C16orf96: variants seen among roughly 807,000 people sequenced by gnomAD.
The protein encoded by C16orf96 is uncharacterized protein C16orf96.
In C16orf96, 108 loss-of-function variants were observed where a neutral mutation model predicts 103.6. The ratio of observed to expected loss-of-function variants is 1.04; its 90% CI spans 0.89 to 1.22. C16orf96 has a LOEUF of 1.22. C16orf96 is among the 50% of genes most tolerant of loss of function. The probability of loss-of-function intolerance (pLI) is 0.00; values close to 1 mark genes in which losing one functional copy is unlikely to be tolerated. For missense variants in C16orf96, 1,586 were observed against 1,464.2 expected, an observed-to-expected ratio of 1.08 and a Z score of -1.36; for synonymous variants, 566 against 593.5, an observed-to-expected ratio of 0.95 and a Z score of 0.67.
chr16:4,576,216 C>T lies in C16orf96; in HGVS notation c.1736C>T (p.Ala579Val), dbSNP rs987247513. ...GCCGCCGCTGCCGCCGCAGCCTACGCCGCTGCCACATCCTCCGCTGCCCAG... is the reference window on the plus strand; with the variant it reads ...GCCGCCGCTGCCGCCGCAGCCTACGTCGCTGCCACATCCTCCGCTGCCCAG... ...AIAAAAAAAYAAATSSAAQAA... is the reference protein window; with the variant it reads ...AIAAAAAAAYVAATSSAAQAA... The change falls in exon 5 of 16, where the codon GCC (alanine) becomes GTC (valine). Residue 579 changes from alanine to valine, a missense_variant. By Grantham distance (64) the Ala-to-Val change is moderately conservative (BLOSUM62 0). Coordinates refer to ENST00000444310, the MANE Select transcript of C16orf96 (RefSeq NM_001145011.2). The T allele has an allele frequency of 1.9e-6, 3 of 1,550,652 alleles. No individual in the cohort carries two copies. The African/African-American group carries it at 4.1e-5, about 21-fold the overall frequency.
At chr16:4,563,699 A>C (rs1421035830) in intron 1 of C16orf96, among the ~76,000 whole-genome samples, 1 of 151,656 alleles carries the variant, frequency 6.6e-6, no homozygotes, top group Admixed American at 6.6e-5. Context: ...TTCCTGAGTA[A>C]CTGGGATTAC....
rs2059515031 is a variant in C16orf96 at position 4,576,721 on chromosome 16, G to T, written c.2155+86G>T. ...AGAAGTGTGTCCTGTCCTTCACTGG[G>T]CTCCACCAACAAAATCTGCATTCCA... On this transcript the variant is annotated intron_variant, in intron 5 of 15. Coordinates refer to ENST00000444310, the MANE Select transcript of C16orf96 (RefSeq NM_001145011.2). 3.7e-5 allele frequency: 49 copies of T among 1,307,330 alleles called. 1 individual carries two copies. In the South Asian group the frequency reaches 7.5e-4, roughly 20 times the overall value. The allele number at this position is 1,307,330 out of a possible 1,614,324, so 81.0% of individuals were successfully genotyped here.
intron 1 of C16orf96, among the ~76,000 whole-genome samples, chr16:4,563,445 G>C (rs949965881): frequency 6.6e-6 from 1 of 152,178 alleles, no homozygotes; most frequent in Non-Finnish European, 1.5e-5. Context: ...TGTAGAGACA[G>C]GGTGTTGCCA....
intron 11 of C16orf96, among the ~76,000 whole-genome samples, chr16:4,592,870 A>G (rs1026235433): frequency 2.6e-5 from 4 of 152,162 alleles, no homozygotes; most frequent in Non-Finnish European, 5.9e-5. Context: ...TCAAAAAAAA[A>G]GGCCATGTTG....
At position 4,591,731 on chromosome 16, in the gene C16orf96, G is replaced by C. The variant is rs1248106731; in HGVS notation, c.2658G>C (p.Lys886Asn). 4.5e-6 allele frequency: 7 copies of C among 1,551,706 alleles called. No homozygotes were observed. The South Asian group carries it at 8.3e-5, about 18-fold the overall frequency. ...AAGAGGTCTGGAAAATCGTCCGGAAGCTGCTGATTGAGGGCTTAAGACTGG... is the reference window on the plus strand; with the variant it reads ...AAGAGGTCTGGAAAATCGTCCGGAACCTGCTGATTGAGGGCTTAAGACTGG... ...EMEEVWKIVRKLLIEGLRLDP... is the reference protein window; with the variant it reads ...EMEEVWKIVRNLLIEGLRLDP... Residue 886 changes from lysine (K) to asparagine (N), a missense_variant, in exon 10 of 16, where the codon AAG (lysine) becomes AAC (asparagine). By Grantham distance (94) the Lys-to-Asn change is moderately conservative. Transcript: ENST00000444310.
At chr16:4,579,868 C>T (rs574711426) in intron 6 of C16orf96, 147 bp from the exon 7 acceptor site, 4 of 621,058 alleles carry the variant, frequency 6.4e-6, no homozygotes, top group South Asian at 3.9e-5. Context: ...ATCTTGGCCT[C>T]CCAAAGTGCT....
intron 1 of C16orf96, among the ~76,000 whole-genome samples, chr16:4,567,364 A>T (rs1226437225): frequency 2.8e-5 from 4 of 142,758 alleles, no homozygotes; most frequent in African/African-American, 1.0e-4. Flanking sequence ...GCTCACTGCA[A>T]GCTCAGACTC....
chr16:4,593,175 G>A lies in C16orf96; in HGVS notation c.2775-49G>A. ...AGGGGTGGGAGACGAGCCCTCTGCT[G>A]GCCTAGCACGCCTCCCACAGCCCCT... On this transcript the variant is annotated intron_variant, in intron 11 of 15. Coordinates refer to ENST00000444310, the MANE Select transcript of C16orf96 (RefSeq NM_001145011.2). The surrounding 1 kb of genome is among the most constrained non-coding windows in gnomAD (Gnocchi z 4.2). 1.3e-6 allele frequency: 2 copies of A among 1,517,014 alleles called. 1 individual carries two copies. The highest frequency in any genetic ancestry group is 1.8e-6 in the Non-Finnish European group (2 of 1,116,802). 94.0% of individuals were successfully genotyped at this position (1,517,014 alleles called of 1,614,324 possible).
intron 12 of C16orf96, 92 bp from the exon 13 acceptor site, chr16:4,594,259 C>G: frequency 7.1e-7 from 1 of 1,405,656 alleles, no homozygotes. Flanking sequence ...AAATGCTGGT[C>G]TTCCCTCGAT....
the C16orf96 span, among the ~76,000 whole-genome samples, chr16:4,546,496 C>G: frequency 3.5e-5 from 5 of 142,540 alleles, no homozygotes; most frequent in African/African-American, 1.3e-4. Context: ...CAGGGTCTCA[C>G]TGTGTTGCAC....
chr16:4,575,080 G>A, intron 4 of C16orf96, 22 bp downstream of exon 4: 1 of 1,551,076 alleles, frequency 6.4e-7, no homozygotes, highest in Non-Finnish European at 8.7e-7. Flanking sequence ...AGGAAGGGGA[G>A]GTTAGCAGGA....
At position 4,576,402 on chromosome 16, in the gene C16orf96, A is replaced by G. The variant is rs1364208368; in HGVS notation, c.1922A>G (p.Asp641Gly). 6.4e-7 allele frequency: 1 copy of G among 1,551,100 alleles called. No homozygotes were observed. Among genetic ancestry groups the G allele is most frequent in the Admixed American group, 2.0e-5 (1 of 50,998 alleles). Reference sequence around the variant, plus strand: ...ACAGAATCCCAGATCTTGGGCGATGATTCCGAAATCTACGAAATCCTCTCT... The same window carrying G: ...ACAGAATCCCAGATCTTGGGCGATGGTTCCGAAATCTACGAAATCCTCTCT... ...GATESQILGDDSEIYEILSPS... is the reference protein window; with the variant it reads ...GATESQILGDGSEIYEILSPS... Residue 641 changes from aspartate to glycine, a missense_variant, in exon 5 of 16, where the codon GAT becomes GGT. By Grantham distance (94) the Asp-to-Gly change is moderately conservative. Coordinates refer to ENST00000444310, the MANE Select transcript of C16orf96 (RefSeq NM_001145011.2).
At chr16:4,561,410 G>C (rs1451114360) in intron 1 of C16orf96, 1 of 152,246 alleles carries the variant, frequency 6.6e-6, no homozygotes, top group Non-Finnish European at 1.5e-5. Flanking sequence ...ATTGTTACTA[G>C]AGACAGGGCT....
chr16:4,549,416 T>C, the C16orf96 span, among the ~76,000 whole-genome samples: 1 of 143,138 alleles, frequency 7.0e-6, no homozygotes, highest in Non-Finnish European at 1.5e-5. Context: ...GAGCTCGCAG[T>C]GAGCCAAGAT....
chr16:4,575,740 C>T lies in C16orf96; in HGVS notation c.1260C>T (p.Pro420=). The T allele has an allele frequency of 1.3e-6, 2 of 1,544,022 alleles. No individual in the cohort carries two copies. Among genetic ancestry groups the T allele is most frequent in the South Asian group, 1.2e-5 (1 of 82,850 alleles). Residue 420 remains proline, a synonymous_variant, in exon 5 of 16, where the codon CCC becomes CCT. Transcript: ENST00000444310. ...TCCTGCGGCCAACTCAGCCCCAACCCTCCAGGGCCCCACCACCAGCCACTG... is the reference window on the plus strand; with the variant it reads ...TCCTGCGGCCAACTCAGCCCCAACCTTCCAGGGCCCCACCACCAGCCACTG... The part of the protein sequence containing the change: ...LGVLRPTQPQ[P]SRAPPPATEF...
At chr16:4,549,552 C>T in the C16orf96 span, among the ~76,000 whole-genome samples, 44 of 151,364 alleles carry the variant, frequency 2.9e-4, no homozygotes, top group Admixed American at 7.3e-4. Context: ...AATCTCAGCA[C>T]GTTGGGAGGC....
At chr16:4,563,190 G>C in intron 1 of C16orf96, 2 of 668,352 alleles carry the variant, frequency 3.0e-6, no homozygotes, top group South Asian at 2.8e-5. Flanking sequence ...TTTGCTTTAG[G>C]CATCGCTTCG....
In C16orf96 at chr16:4,556,363, A is replaced by T; in HGVS notation, c.-127A>T. 1 of 922,658 alleles carries T rather than the reference A, an allele frequency of 1.1e-6. No individual in the cohort carries two copies. The highest frequency in any genetic ancestry group is 2.7e-5 in the East Asian group (1 of 37,506). The allele number at this position is 922,658 out of a possible 1,614,324, so 57.2% of individuals were successfully genotyped here. ...CCAGAACAGAGGCCATTCCTCCCTGACTGCTGTGACTCACCACCACCCCAG... is the reference window on the plus strand; with the variant it reads ...CCAGAACAGAGGCCATTCCTCCCTGTCTGCTGTGACTCACCACCACCCCAG... On this transcript the variant is annotated 5_prime_UTR_variant, in exon 1 of 16. Coordinates refer to ENST00000444310, the MANE Select transcript of C16orf96 (RefSeq NM_001145011.2).
chr16:4,586,841 A>G (rs545912212), intron 7 of C16orf96, among the ~76,000 whole-genome samples, 198 bp from the exon 8 acceptor site: 69 of 152,298 alleles, frequency 4.5e-4, no homozygotes, highest in African/African-American at 1.6e-3. Flanking sequence ...AGCTTGTCCC[A>G]AGTCGCACGT....
Sources: gnomAD v4.1 joint callset for allele counts (sites outside exome capture counted in the v4.1 genomes callset) on GRCh38, gnomAD v4.1.1 for gene constraint, Gnocchi (gnomAD v3.1) non-coding constraint, MANE v1.5 for transcripts, NCBI Gene and HGNC (gene_info 2026-07-23, HGNC 2026-07-21) for gene names.